Variants in MAPKBP1 observed in about 807,000 individuals in gnomAD.
MAPKBP1 encodes mitogen-activated protein kinase-binding protein 1.
Under a neutral mutation model 170.5 loss-of-function variants are expected in MAPKBP1, and 71 were observed. The ratio of observed to expected loss-of-function variants is 0.42; its 90% confidence interval spans 0.34 to 0.51. The LOEUF is 0.51. Ranked by LOEUF, MAPKBP1 falls within the 20% of genes least tolerant of loss-of-function variation. The pLI is 0.06. For missense variants in MAPKBP1, 1,598 were observed against 1,933.0 expected (o/e 0.83, Z 3.25); for synonymous variants, 719 against 757.9 (o/e 0.95, Z 0.84).
intron 3 of MAPKBP1, among the ~76,000 whole-genome samples, chr15:41,806,891 G>A (rs1230877418): frequency 6.6e-6 from 1 of 152,150 alleles, no homozygotes; most frequent in African/African-American, 2.4e-5. Context: ...GTGCTTTTGA[G>A]AACAGGTCAG....
chr15:41,825,302 G>A lies in MAPKBP1; in HGVS notation c.4393G>A (p.Val1465Met). The stretch of plus-strand genomic sequence containing the variant: ...TTCAGTGCGACAGGAGCTGGAAGCT[G>A]TGGCTGGGGCAGTGCTGTCCAGCCC... ...FSSVRQELEA[V>M]AGAVLSSPGS... The change falls in exon 31 of 31, where the codon GTG (valine) becomes ATG (methionine). Residue 1465 changes from valine to methionine, a missense_variant. Transcript: ENST00000457542. 1 of 1,613,106 alleles carries A rather than the reference G, an allele frequency of 6.2e-7. No individual in the cohort carries two copies. The highest frequency in any genetic ancestry group is 1.1e-5 in the South Asian group (1 of 91,074).
chr15:41,811,038 C>A, intron 4 of MAPKBP1, 93 bp downstream of exon 4: 1 of 1,556,166 alleles, frequency 6.4e-7, no homozygotes, highest in South Asian at 1.1e-5. Context: ...GGGCTGGGAC[C>A]TGGTTGGGTC....
In MAPKBP1 at chr15:41,813,753, A is replaced by T; in HGVS notation, c.952A>T (p.Thr318Ser). Reference sequence around the variant, plus strand: ...CTTGCCCCGACCCCATGCTCTGGGGACAGACATTGCTAGCGTCACCGAGGC... The same window carrying T: ...CTTGCCCCGACCCCATGCTCTGGGGTCAGACATTGCTAGCGTCACCGAGGC... ...STLPRPHALG[T>S]DIASVTEASR... The change falls in exon 9 of 31, where the codon ACA becomes TCA. Residue 318 changes from threonine to serine, a missense_variant. This residue lies in a region of MAPKBP1 where 430 missense variants were observed against 617.2 expected (regional missense o/e 0.70). Coordinates refer to ENST00000457542, the MANE Select transcript of MAPKBP1 (RefSeq NM_014994.3). 1 of 1,608,460 alleles carries T rather than the reference A, an allele frequency of 6.2e-7. No homozygotes were observed. The highest frequency in any genetic ancestry group is 8.5e-7 in the Non-Finnish European group (1 of 1,177,638).
chr15:41,791,867 C>T (rs2064401935), intron 2 of MAPKBP1, among the ~76,000 whole-genome samples: 2 of 152,002 alleles, frequency 1.3e-5, no homozygotes, highest in Admixed American at 1.3e-4. Flanking sequence ...ACCAGCCTGA[C>T]CAACATGGAG....
intron 2 of MAPKBP1, among the ~76,000 whole-genome samples, chr15:41,786,774 AAAAATATAT>A (rs1567135495): frequency 2.2e-5 from 2 of 92,374 alleles, no homozygotes; most frequent in East Asian, 7.2e-4. Flanking sequence ...AAAAAAAAAA[AAAAATATAT>A]ATATATATAT....
At chr15:41,784,347 A>G (rs2064243201) in intron 2 of MAPKBP1, among the ~76,000 whole-genome samples, 1 of 152,216 alleles carries the variant, frequency 6.6e-6, no homozygotes, top group East Asian at 1.9e-4. Context: ...GAGCTTCTCA[A>G]GAGTTAATAT....
In MAPKBP1 at chr15:41,821,757, A is replaced by G; in HGVS notation, c.2885+7A>G. 1 of 1,612,108 alleles carries G rather than the reference A, an allele frequency of 6.2e-7. No individual in the cohort carries two copies. Among genetic ancestry groups the G allele is most frequent in the Non-Finnish European group, 8.5e-7 (1 of 1,179,702 alleles). ...ACCCCACCATGGATACCAGGCAAGG[A>G]TCCTGCCCTAGCCAGACCCCGTGCC... On this transcript the variant is annotated splice_region_variant and intron_variant, in intron 24 of 30. Coordinates refer to ENST00000457542, the MANE Select transcript of MAPKBP1 (RefSeq NM_014994.3).
chr15:41,818,807 T>C lies in MAPKBP1; in HGVS notation c.2157-16T>C, dbSNP rs1043303128. On this transcript the variant is annotated splice_polypyrimidine_tract_variant and intron_variant, in intron 19 of 30. Coordinates refer to ENST00000457542, the MANE Select transcript of MAPKBP1 (RefSeq NM_014994.3). The surrounding 1 kb of genome is among the most constrained non-coding windows in gnomAD (Gnocchi z 5.2). ...TACCTGCCCCTCCTTCAGCCAACTG[T>C]GTGGCTTTACCCCAGCTGCATATTT... 1 of 1,612,416 alleles carries C rather than the reference T, an allele frequency of 6.2e-7. No individual in the cohort carries two copies. The highest frequency in any genetic ancestry group is 8.5e-7 in the Non-Finnish European group (1 of 1,178,630).
rs980034326 is a variant in MAPKBP1, at chr15:41,823,337, G to A, written c.3599-110G>A. On this transcript the variant is annotated intron_variant, in intron 28 of 30. Coordinates refer to ENST00000457542, the MANE Select transcript of MAPKBP1 (RefSeq NM_014994.3). ...TGTGCCACTGTGCTGGCCACTAGGT[G>A]TCCCTTAATGGGCATGTGGAGGGGA... is the stretch of plus-strand genomic sequence containing the variant. 1.2e-5 allele frequency: 18 copies of A among 1,542,790 alleles called. No homozygotes were observed. In the African/African-American group the frequency reaches 1.4e-4, roughly 12 times the overall value.
intron 2 of MAPKBP1, among the ~76,000 whole-genome samples, chr15:41,790,521 G>A (rs1423938643): frequency 2.0e-5 from 3 of 152,194 alleles, no homozygotes; most frequent in African/African-American, 2.4e-5. Context: ...GGCTTTGTCA[G>A]GTTACCCTTT....
In MAPKBP1 at chr15:41,819,359, A is replaced by G; in HGVS notation, c.2405A>G (p.Lys802Arg). Reference protein sequence around the residue: ...EELPALPVLAKSTKKALASVP... With the variant: ...EELPALPVLARSTKKALASVP... ...CTTCCAGCACTGCCCGTCCTTGCCA[A>G]GAGTACCAAGAAGGCACTGGGTCTG... The change falls in exon 21 of 31, where the codon AAG (lysine) becomes AGG (arginine). Residue 802 changes from lysine (K) to arginine (R), a missense_variant. Around this residue, in one of 6 missense-constraint regions of MAPKBP1, gnomAD observed 942 missense variants for 953.2 expected, o/e 0.99. Coordinates refer to ENST00000457542, the MANE Select transcript of MAPKBP1 (RefSeq NM_014994.3). 2 of 1,614,164 alleles carry G rather than the reference A, an allele frequency of 1.2e-6. No individual in the cohort carries two copies. The highest frequency in any genetic ancestry group is 8.5e-7 in the Non-Finnish European group (1 of 1,180,026).
chr15:41,807,195 C>T (rs1360461499), intron 3 of MAPKBP1, among the ~76,000 whole-genome samples: 2 of 152,156 alleles, frequency 1.3e-5, no homozygotes, highest in Non-Finnish European at 2.9e-5. Flanking sequence ...TCTAGCCAGT[C>T]ATCCTTCTAT....
At chr15:41,797,101 AGTAGCCCAC>A (rs1053726766) in intron 2 of MAPKBP1, among the ~76,000 whole-genome samples, 10 of 152,166 alleles carry the variant, frequency 6.6e-5, no homozygotes, top group African/African-American at 2.4e-4. Flanking sequence ...TTAGAGTGTT[AGTAGCCCAC>A]GTCTCCTTCT....
intron 30 of MAPKBP1, 84 bp downstream of exon 30, chr15:41,824,653 C>G: frequency 7.6e-7 from 1 of 1,311,052 alleles, no homozygotes; most frequent in Non-Finnish European, 1.1e-6. Context: ...GAACAGTATG[C>G]TAAGCCTCTT....
intron 3 of MAPKBP1, among the ~76,000 whole-genome samples, chr15:41,806,860 G>A (rs1222629919): frequency 6.6e-6 from 1 of 152,162 alleles, no homozygotes; most frequent in Non-Finnish European, 1.5e-5. Context: ...AGTTCACCAA[G>A]AAGGCTGAGA....
At chr15:41,786,534 G>A (rs1437560219) in intron 2 of MAPKBP1, among the ~76,000 whole-genome samples, 1 of 151,642 alleles carries the variant, frequency 6.6e-6, no homozygotes, top group African/African-American at 2.4e-5. Flanking sequence ...GGAGGCCAAG[G>A]CGGGCGGATC....
chr15:41,822,599 C>T lies in MAPKBP1; in HGVS notation c.3236C>T (p.Pro1079Leu), dbSNP rs748338621. The change falls in exon 27 of 31, where the codon CCA (proline) becomes CTA (leucine). Residue 1079 changes from proline (P) to leucine (L), a missense_variant. Transcript: ENST00000457542. ...ATTTCTCTGACCTTGGTAGGGGCCC[C>T]AGTGCAGGTCCCAGAGAGGTCAGAG... ...TLASGAAPGA[P>L]VQVPERSESR... 1 of 1,613,946 alleles carries T rather than the reference C, an allele frequency of 6.2e-7. No homozygotes were observed.
At chr15:41,794,647 C>G (rs1364311057) in intron 2 of MAPKBP1, among the ~76,000 whole-genome samples, 1 of 152,130 alleles carries the variant, frequency 6.6e-6, no homozygotes. Flanking sequence ...TTCACTGTTT[C>G]TGAAGCCTCT....
chr15:41,811,102 CT>C, intron 4 of MAPKBP1, 75 bp from the exon 5 acceptor site: 5 of 1,583,966 alleles, frequency 3.2e-6, no homozygotes, highest in Non-Finnish European at 4.3e-6. Context: ...CTGGTCTCAC[CT>C]TTTGAGAGGC....
Sources: allele counts gnomAD v4.1 joint callset (sites outside exome capture counted in the v4.1 genomes callset), GRCh38; gene constraint gnomAD v4.1.1; regional missense constraint gnomAD v4.1.1; non-coding constraint Gnocchi (gnomAD v3.1); transcripts MANE v1.5; gene names NCBI Gene and HGNC (gene_info 2026-07-23, HGNC 2026-07-21).